The following PFKM variants were observed in gnomAD, a reference collection of about 807,000 sequenced individuals.
The protein encoded by PFKM is ATP-dependent 6-phosphofructokinase, muscle type.
Under a neutral mutation model 95.5 loss-of-function variants are expected in PFKM, and 58 were observed. The observed-to-expected ratio is 0.61, with a 90% CI of 0.49 to 0.76. The LOEUF (loss-of-function observed/expected upper bound fraction) is 0.76, where lower values mean the gene tolerates loss of function less well. Ranked by LOEUF, PFKM falls within the 30% of genes least tolerant of loss-of-function variation. The probability of loss-of-function intolerance (pLI) is 0.00; values close to 1 mark genes in which losing one functional copy is unlikely to be tolerated. For missense variants in PFKM, 678 were observed against 1,005.4 expected (o/e 0.67, Z 4.40); for synonymous variants, 336 against 357.2 (o/e 0.94, Z 0.67).
In PFKM at chr12:48,131,297, G is replaced by T. The variant is rs1437231990; in HGVS notation, c.160-19G>T. On this transcript the variant is annotated intron_variant, in intron 3 of 22. Transcript: ENST00000359794. ...ATAGAGAAGCCTAACGGGCTGAACA[G>T]GTATAATGTGTCACACAGGGTTATC... 5 of 1,558,358 alleles carry T rather than the reference G, an allele frequency of 3.2e-6. No homozygotes were observed. The highest frequency in any genetic ancestry group is 4.4e-6 in the Non-Finnish European group (5 of 1,129,340).
intron 1 of PFKM, among the ~76,000 whole-genome samples, chr12:48,107,005 C>G (rs1946706152): frequency 6.6e-6 from 1 of 152,148 alleles, no homozygotes; most frequent in Non-Finnish European, 1.5e-5. Flanking sequence ...TGTCAAGCAC[C>G]TCAGCTTGGC....
chr12:48,145,150 G>A lies in PFKM; in HGVS notation c.2092+20G>A, dbSNP rs377009499. On this transcript the variant is annotated intron_variant, in intron 21 of 22. Coordinates refer to ENST00000359794, the MANE Select transcript of PFKM (RefSeq NM_000289.6). This position sits in a 1 kb window ranked among gnomAD's most constrained non-coding sequence, Gnocchi z 4.3. ...GTAATGGTAGGTGGGGTGAGAGCGA[G>A]TGCCCTCTATAGAGGCTGGTTCCCC... is the stretch of plus-strand genomic sequence containing the variant. The A allele has an allele frequency of 2.1e-5, 34 of 1,610,460 alleles. No individual in the cohort carries two copies. The African/African-American group carries it at 2.9e-4, about 14-fold the overall frequency.
Position 48,121,688 on chromosome 12 carries a change from T to C in PFKM, c.-8-1079T>C, listed in dbSNP as rs371581156. On this transcript the variant is annotated intron_variant, in intron 1 of 22. Transcript: ENST00000359794. The stretch of plus-strand genomic sequence containing the variant: ...CCTATGAAGGTTTATTTTGTGTGTC[T>C]AATAGAGTGAAGAAAGGAACACAAG... 1.1e-4 allele frequency among the ~76,000 whole-genome samples: 16 copies of C among 152,228 alleles called. No individual in the cohort carries two copies. The East Asian group carries it at 2.3e-3, about 22-fold the overall frequency.
chr12:48,127,314 T>C (rs1948963394), intron 2 of PFKM, among the ~76,000 whole-genome samples: 1 of 152,324 alleles, frequency 6.6e-6, no homozygotes, highest in South Asian at 2.1e-4. Context: ...CTTATAATTC[T>C]GCATATTCTC....
In PFKM at chr12:48,146,025, CAA is replaced by C. The variant is rs1317904847; in HGVS notation, c.*319_*320del. ...AGCTTTATTTATTTCTTTGTGATAA[CAA>C]AGAGTCTTGGTTCCTCTACTACTTT... On this transcript the variant is annotated 3_prime_UTR_variant, in exon 23 of 23. Transcript: ENST00000359794. 2 of 351,600 alleles carry C rather than the reference CAA, an allele frequency of 5.7e-6. No individual in the cohort carries two copies. Among genetic ancestry groups the C allele is most frequent in the African/African-American group, 2.1e-5 (1 of 48,142 alleles). The allele number at this position is 351,600 out of a possible 1,614,324, so 21.8% of individuals were successfully genotyped here.
chr12:48,108,169 G>A, exon 3 of PFKM: 1 of 1,598,722 alleles, frequency 6.3e-7, no homozygotes, highest in South Asian at 1.1e-5. Context: ...CAGACACCGT[G>A]GGAAGCATAC....
At position 48,134,275 on chromosome 12, in the gene PFKM, G is replaced by C; in HGVS notation, c.637G>C (p.Gly213Arg). 1 of 1,613,282 alleles carries C rather than the reference G, an allele frequency of 6.2e-7. No homozygotes were observed. Among genetic ancestry groups the C allele is most frequent in the Non-Finnish European group, 8.5e-7 (1 of 1,179,204 alleles). ...GTTAGAAGTAATGGGCCGCCACTGTGGGTAAGATCCTCATTCTGACCCATT... is the reference window on the plus strand; with the variant it reads ...GTTAGAAGTAATGGGCCGCCACTGTCGGTAAGATCCTCATTCTGACCCATT... ...FVLEVMGRHC[G>R]YLALVTSLSC... is the part of the protein sequence containing the mutation. Residue 213 changes from glycine to arginine, a missense_variant and splice_region_variant, in exon 7 of 23, where the codon GGA becomes CGA. Physicochemically the swap from Gly to Arg is moderately radical, Grantham distance 125. Transcript: ENST00000359794.
At chr12:48,123,112 A>G (rs1948454901) in intron 2 of PFKM, among the ~76,000 whole-genome samples, 1 of 152,176 alleles carries the variant, frequency 6.6e-6, no homozygotes, top group Admixed American at 6.5e-5. Flanking sequence ...GGAACCTAAA[A>G]GAGTGGTGTT....
At chr12:48,132,777 A>T (rs1263970220) in intron 4 of PFKM, 91 bp from the exon 5 acceptor site, 1 of 1,107,694 alleles carries the variant, frequency 9.0e-7, no homozygotes, top group Non-Finnish European at 1.3e-6. Context: ...GGAGTCACAC[A>T]GTTATGTTAG....
intron 3 of PFKM, among the ~76,000 whole-genome samples, chr12:48,111,396 A>G (rs927829192): frequency 6.6e-6 from 1 of 152,242 alleles, no homozygotes; most frequent in African/African-American, 2.4e-5. Context: ...AAGAGGCATT[A>G]ATGATGGAGG....
At chr12:48,107,358 T>C in intron 1 of PFKM, 1 of 1,570,060 alleles carries the variant, frequency 6.4e-7, no homozygotes, top group Non-Finnish European at 8.7e-7. Context: ...TCTGTCTCTA[T>C]TTCTAGGAGG....
At chr12:48,116,019 A>G (rs1426489932), upstream of PFKM, among the ~76,000 whole-genome samples, 1 of 152,156 alleles carries the variant, frequency 6.6e-6, no homozygotes, top group East Asian at 1.9e-4. Flanking sequence ...CCAAATTTCC[A>G]CTGCAGCTGC....
chr12:48,122,546 TTAG>T, intron 1 of PFKM: 1 of 1,386,316 alleles, frequency 7.2e-7, no homozygotes, highest in East Asian at 2.8e-5. Context: ...AATTAGGACC[TTAG>T]TAGTCTTGGG....
At chr12:48,122,479 C>T in intron 1 of PFKM, 3 of 832,768 alleles carry the variant, frequency 3.6e-6, no homozygotes, top group East Asian at 4.8e-5. Context: ...TCTCTTTTCC[C>T]TGACCTTAGT....
Position 48,142,068 on chromosome 12 carries a change from T to G in PFKM, c.1653+2T>G. On this transcript the variant is annotated splice_donor_variant, in intron 17 of 22. Transcript: ENST00000359794. LOFTEE classifies it high-confidence loss of function. ...ACAGCACTCAATACTATCTGCACAG[T>G]GAGAGCCTATCACCACTTCCCATCC... 3 of 1,614,018 alleles carry G rather than the reference T, an allele frequency of 1.9e-6. No homozygotes were observed. The highest frequency in any genetic ancestry group is 2.5e-6 in the Non-Finnish European group (3 of 1,179,834).
At chr12:48,116,547 C>T (rs1184784551), upstream of PFKM, among the ~76,000 whole-genome samples, 2 of 152,128 alleles carry the variant, frequency 1.3e-5, no homozygotes, top group African/African-American at 2.4e-5. Flanking sequence ...GGCGCAATCT[C>T]GGCTCACTGC....
At chr12:48,108,731 C>T (rs1946924934) in intron 3 of PFKM, among the ~76,000 whole-genome samples, 1 of 152,134 alleles carries the variant, frequency 6.6e-6, no homozygotes, top group South Asian at 2.1e-4. Flanking sequence ...TTCGTCTTAA[C>T]TTAAATACAT....
At chr12:48,120,999 A>G (rs2137811706) in intron 1 of PFKM, among the ~76,000 whole-genome samples, 3 of 152,296 alleles carry the variant, frequency 2.0e-5, no homozygotes, top group Middle Eastern at 6.8e-3. Context: ...AAAAATACAA[A>G]AATTAGCCGG....
In PFKM at chr12:48,119,456, T is replaced by G. The variant is rs149918107; in HGVS notation, c.-9+50T>G. The G allele has an allele frequency of 1.4e-5, 13 of 962,928 alleles. No homozygotes were observed. The East Asian group carries it at 1.0e-3, about 77-fold the overall frequency. The allele number at this position is 962,928 out of a possible 1,614,324, so 59.6% of individuals were successfully genotyped here. A position where few individuals can be genotyped will look rare whatever the true frequency, so the allele number is the denominator to read the frequency against. On this transcript the variant is annotated intron_variant, in intron 1 of 22. Transcript: ENST00000359794. ...GCAAGGGGGAGAGCTGGGAGTGAGG[T>G]GGGAAGGTATGGGCCGGGAGCAGGC...
Sources: gnomAD v4.1 joint callset for allele counts (sites outside exome capture counted in the v4.1 genomes callset) on GRCh38, gnomAD v4.1.1 for gene constraint, Gnocchi (gnomAD v3.1) non-coding constraint, MANE v1.5 for transcripts, NCBI Gene and HGNC (gene_info 2026-07-23, HGNC 2026-07-21) for gene names.